Variants in SPIDR observed in about 807,000 individuals in gnomAD.
SPIDR encodes DNA repair-scaffolding protein.
SPIDR carries 93 observed loss-of-function variants against 104.6 expected under a neutral mutation model. That is an observed-to-expected ratio of 0.89 (90% confidence interval 0.75 to 1.06). SPIDR has a LOEUF of 1.06. Ranked by LOEUF, SPIDR falls within the 50% of genes least tolerant of loss-of-function variation. SPIDR has a pLI of 0.00. For missense variants in SPIDR, 1,154 were observed against 1,111.2 expected, an observed-to-expected ratio of 1.04 and a Z score of -0.55; for synonymous variants, 431 against 416.9, an observed-to-expected ratio of 1.03 and a Z score of -0.41.
chr8:47,470,346 C>T (rs962461353), intron 8 of SPIDR, among the ~76,000 whole-genome samples: 4 of 151,998 alleles, frequency 2.6e-5, no homozygotes, highest in South Asian at 2.1e-4. Context: ...TGGAGTGCAG[C>T]GACACGATCT....
intron 8 of SPIDR, among the ~76,000 whole-genome samples, chr8:47,557,534 A>G (rs1459018164): frequency 2.0e-5 from 3 of 152,180 alleles, no homozygotes; most frequent in African/African-American, 7.2e-5. Flanking sequence ...TATTTGGTGT[A>G]TGTATTTCTT....
chr8:47,632,686 T>C (rs1416480527), intron 10 of SPIDR, among the ~76,000 whole-genome samples: 1 of 152,228 alleles, frequency 6.6e-6, no homozygotes. Flanking sequence ...GGCAGCTTGG[T>C]TGAGAAACTG....
intron 14 of SPIDR, among the ~76,000 whole-genome samples, chr8:47,704,844 G>C (rs1049619678): frequency 1.3e-5 from 2 of 152,156 alleles, no homozygotes; most frequent in Admixed American, 1.3e-4. Context: ...TCCCAGCAAG[G>C]ACGAGGCAGG....
intron 1 of SPIDR, among the ~76,000 whole-genome samples, chr8:47,267,024 T>C (rs1384657876): frequency 6.6e-6 from 1 of 152,234 alleles, no homozygotes; most frequent in Non-Finnish European, 1.5e-5. Flanking sequence ...AAATAATGTT[T>C]TCCAGGTTTA....
In SPIDR at chr8:47,440,438, T is replaced by C. The variant is rs1554695932; in HGVS notation, c.993T>C (p.Ser331=). ...CACCAGCCACCAGCTCCTCCCAAAG[T>C]GTGGCTCCCAGGCCTGGAGCTGGCC... ...LGSPATSSSQ[S]VAPRPGAGLK... Residue 331 remains serine, a synonymous_variant, in exon 8 of 20, where the codon AGT becomes AGC. Coordinates refer to ENST00000297423, the MANE Select transcript of SPIDR (RefSeq NM_001080394.4). 1 of 1,614,102 alleles carries C rather than the reference T, an allele frequency of 6.2e-7. No individual in the cohort carries two copies. Among genetic ancestry groups the C allele is most frequent in the Non-Finnish European group, 8.5e-7 (1 of 1,180,040 alleles).
chr8:47,286,015 T>TA (rs1248089879), intron 3 of SPIDR, among the ~76,000 whole-genome samples: 1 of 152,228 alleles, frequency 6.6e-6, no homozygotes, highest in Non-Finnish European at 1.5e-5. Flanking sequence ...GTAGTGATTT[T>TA]AACTACCTAG....
At chr8:47,438,046 C>T (rs1337129611) in intron 7 of SPIDR, among the ~76,000 whole-genome samples, 2 of 152,216 alleles carry the variant, frequency 1.3e-5, no homozygotes, top group East Asian at 3.9e-4. Context: ...CTGTCAGGGT[C>T]TATGGGGACT....
At chr8:47,524,305 T>G (rs1385432945) in intron 8 of SPIDR, among the ~76,000 whole-genome samples, 1 of 152,224 alleles carries the variant, frequency 6.6e-6, no homozygotes, top group East Asian at 1.9e-4. Context: ...CCTCCTCCTC[T>G]TCTCCTAAAC....
At chr8:47,580,141 A>C (rs1222788635) in intron 8 of SPIDR, among the ~76,000 whole-genome samples, 2 of 152,228 alleles carry the variant, frequency 1.3e-5, no homozygotes, top group East Asian at 3.8e-4. Flanking sequence ...AAGAAGGCTC[A>C]GTGTAAATGT....
intron 10 of SPIDR, among the ~76,000 whole-genome samples, chr8:47,626,953 G>A (rs1463963592): frequency 6.6e-6 from 1 of 152,154 alleles, no homozygotes; most frequent in Non-Finnish European, 1.5e-5. Flanking sequence ...GTTTATTGTG[G>A]CACTATTCAC....
chr8:47,442,703 G>A (rs1330787350), intron 8 of SPIDR, among the ~76,000 whole-genome samples: 1 of 152,174 alleles, frequency 6.6e-6, no homozygotes, highest in African/African-American at 2.4e-5. Context: ...TGGTGGCAGA[G>A]TCTTTTATTG....
intron 8 of SPIDR, among the ~76,000 whole-genome samples, chr8:47,539,292 C>T (rs2087615532): frequency 6.6e-6 from 1 of 151,940 alleles, no homozygotes; most frequent in Non-Finnish European, 1.5e-5. Context: ...TAATTTTTTC[C>T]TTATCAGCAC....
chr8:47,275,364 G>A (rs1266013844), intron 1 of SPIDR, among the ~76,000 whole-genome samples: 5 of 151,762 alleles, frequency 3.3e-5, no homozygotes, highest in African/African-American at 7.3e-5. Context: ...TTTCCTGCCC[G>A]TTTTTATACA....
intron 10 of SPIDR, among the ~76,000 whole-genome samples, chr8:47,648,743 A>C (rs1417122588): frequency 6.6e-6 from 1 of 152,232 alleles, no homozygotes; most frequent in Non-Finnish European, 1.5e-5. Flanking sequence ...GGGGACATCA[A>C]AAAGAAAAAG....
intron 8 of SPIDR, among the ~76,000 whole-genome samples, chr8:47,551,184 G>T (rs2090403121): frequency 6.6e-6 from 1 of 152,176 alleles, no homozygotes; most frequent in African/African-American, 2.4e-5. Context: ...GTATTTTATT[G>T]AGGATTTTCA....
At chr8:47,265,073 A>T (rs962419594) in intron 1 of SPIDR, among the ~76,000 whole-genome samples, 1 of 151,832 alleles carries the variant, frequency 6.6e-6, no homozygotes, top group Non-Finnish European at 1.5e-5. Flanking sequence ...TCTCATAGTT[A>T]TCTTGGTAGG....
At chr8:47,398,508 G>A (rs1198779858) in intron 6 of SPIDR, among the ~76,000 whole-genome samples, 1 of 152,186 alleles carries the variant, frequency 6.6e-6, no homozygotes, top group Non-Finnish European at 1.5e-5. Flanking sequence ...ACAGACTCAG[G>A]GAAGCCCTGA....
At chr8:47,678,352 G>C (rs1018896833) in intron 11 of SPIDR, among the ~76,000 whole-genome samples, 1 of 152,216 alleles carries the variant, frequency 6.6e-6, no homozygotes, top group African/African-American at 2.4e-5. Context: ...ATGGGAAATT[G>C]AGGGAGAGAT....
intron 5 of SPIDR, among the ~76,000 whole-genome samples, chr8:47,345,868 G>T (rs182778949): frequency 0.026 from 3,943 of 152,280 alleles, 125 homozygotes; most frequent in East Asian, 0.088. Context: ...TTGGGGTTGA[G>T]ACGATGGGGT....
Sources: gnomAD v4.1 joint callset for allele counts (sites outside exome capture counted in the v4.1 genomes callset) on GRCh38, gnomAD v4.1.1 for gene constraint, MANE v1.5 for transcripts, NCBI Gene and HGNC (gene_info 2026-07-23, HGNC 2026-07-21) for gene names.